HS6ST2: variants seen among roughly 807,000 people sequenced by gnomAD.
The protein encoded by HS6ST2 is heparan sulfate 6-O-sulfotransferase 2.
HS6ST2 carries 17 observed loss-of-function variants against 33.0 expected under a neutral mutation model. The ratio of observed to expected loss-of-function variants is 0.52; its 90% CI spans 0.35 to 0.77. The LOEUF (loss-of-function observed/expected upper bound fraction) is 0.77, where lower values mean the gene tolerates loss of function less well. HS6ST2 is among the 30% of genes least tolerant of loss of function. The probability of loss-of-function intolerance (pLI) is 0.01; values close to 1 mark genes in which losing one functional copy is unlikely to be tolerated. For synonymous variants in HS6ST2, 248 were observed against 237.1 expected, an observed-to-expected ratio of 1.05 and a Z score of -0.42; for missense variants, 519 against 551.7, an observed-to-expected ratio of 0.94 and a Z score of 0.59.
chrX:132,851,040 TTAG>T lies in HS6ST2; in HGVS notation c.947+105765_947+105767del, dbSNP rs1183795919. ...TGAGAGGCATTAATCTATGTAAAGA[TTAG>T]TAGAAGAGCTATAAAATCTGTGTTA... is the stretch of plus-strand genomic sequence containing the variant. On this transcript the variant is annotated intron_variant, in intron 2 of 4. Coordinates refer to ENST00000370833, the MANE Select transcript of HS6ST2 (RefSeq NM_001394073.1). 3.6e-5 allele frequency among the ~76,000 whole-genome samples: 4 copies of T among 112,152 alleles called. No individual in the cohort carries two copies. The East Asian group carries it at 1.1e-3, about 31-fold the overall frequency.
Position 132,628,423 on chromosome X carries a change from T to G in HS6ST2, c.1738A>C (p.Asn580His). Residue 580 changes from asparagine to histidine, a missense_variant, in exon 5 of 5, where the codon AAT becomes CAT. Physicochemically the swap from Asn to His is moderately conservative, Grantham distance 68. Transcript: ENST00000370833. Reference protein sequence around the residue: ...FQSQGQGQSQNPNQNQSQNPN... With the variant: ...FQSQGQGQSQHPNQNQSQNPN... Reference sequence around the variant, plus strand: ...TTCTGACTCTGATTCTGATTCGGATTCTGGCTCTGGCCCTGACCCTGGCTC... The same window carrying G: ...TTCTGACTCTGATTCTGATTCGGATGCTGGCTCTGGCCCTGACCCTGGCTC... 8.3e-7 allele frequency: 1 copy of G among 1,206,686 alleles called. No homozygotes were observed. Among genetic ancestry groups the G allele is most frequent in the Non-Finnish European group, 1.1e-6 (1 of 891,624 alleles).
chrX:132,916,253 T>C (rs2066589238), intron 2 of HS6ST2, among the ~76,000 whole-genome samples: 1 of 111,825 alleles, frequency 8.9e-6, no homozygotes, highest in East Asian at 2.8e-4. Context: ...ACAGAAGAAA[T>C]GGGTTAGATT....
rs528876678 is a variant in HS6ST2, at chrX:132,885,200, A to G, written c.947+71608T>C. Among the ~76,000 whole-genome samples the G allele has an allele frequency of 3.6e-5, 4 of 111,883 alleles. No individual in the cohort carries two copies. In the East Asian group the frequency reaches 1.1e-3, roughly 32 times the overall value. ...ATGAAAAGGAATGAAGCAATGATTCATGCTACAACTTCTGGTATCCAGGAG... is the reference window on the plus strand; with the variant it reads ...ATGAAAAGGAATGAAGCAATGATTCGTGCTACAACTTCTGGTATCCAGGAG... On this transcript the variant is annotated intron_variant, in intron 2 of 4. Coordinates refer to ENST00000370833, the MANE Select transcript of HS6ST2 (RefSeq NM_001394073.1).
intron 2 of HS6ST2, among the ~76,000 whole-genome samples, chrX:132,757,644 T>C (rs931306696): frequency 9.0e-6 from 1 of 110,915 alleles, no homozygotes; most frequent in Non-Finnish European, 1.9e-5. Context: ...ACCCACCACG[T>C]GCAACTTCCC....
chrX:132,751,492 C>T (rs773703302), intron 2 of HS6ST2, among the ~76,000 whole-genome samples: 5 of 112,019 alleles, frequency 4.5e-5, no homozygotes, highest in Admixed American at 1.9e-4. Flanking sequence ...GAGTGCAAAG[C>T]CCAGACAGGG....
chrX:132,843,028 G>T (rs1467098713), intron 2 of HS6ST2, among the ~76,000 whole-genome samples: 1 of 111,691 alleles, frequency 9.0e-6, no homozygotes, highest in Non-Finnish European at 1.9e-5. Context: ...GCCCCGAGTG[G>T]CAGTCTCCCA....
At chrX:132,763,793 G>A (rs1442260879) in intron 2 of HS6ST2, among the ~76,000 whole-genome samples, 1 of 111,970 alleles carries the variant, frequency 8.9e-6, no homozygotes, top group Non-Finnish European at 1.9e-5. Context: ...AGAGAGGTGT[G>A]AAGAGTTGTC....
intron 2 of HS6ST2, among the ~76,000 whole-genome samples, chrX:132,785,182 G>C (rs2065050826): frequency 8.9e-6 from 1 of 112,008 alleles, no homozygotes; most frequent in Non-Finnish European, 1.9e-5. Context: ...CTACATTTGA[G>C]TCTTCTCAAC....
At chrX:132,662,296 T>G (rs904689569) in intron 4 of HS6ST2, among the ~76,000 whole-genome samples, 3 of 109,651 alleles carry the variant, frequency 2.7e-5, no homozygotes, top group African/African-American at 1.0e-4. Context: ...AGAGAGAGAT[T>G]TGCTTTTTAT....
At chrX:132,880,626 C>CT (rs755907518) in intron 2 of HS6ST2, among the ~76,000 whole-genome samples, 19 of 100,490 alleles carry the variant, frequency 1.9e-4, no homozygotes, top group Admixed American at 2.1e-4. Flanking sequence ...CTTTTTTTTT[C>CT]TTTTTTTTTT....
chrX:132,908,886 C>T (rs1466363818), intron 2 of HS6ST2, among the ~76,000 whole-genome samples: 2 of 105,204 alleles, frequency 1.9e-5, no homozygotes, highest in Non-Finnish European at 3.9e-5. Flanking sequence ...GTGAATTACA[C>T]ATCAAAAAAG....
At chrX:132,717,303 A>G (rs2064283893) in intron 2 of HS6ST2, among the ~76,000 whole-genome samples, 1 of 112,920 alleles carries the variant, frequency 8.9e-6, no homozygotes, top group Non-Finnish European at 1.9e-5. Context: ...AAGTGAGCAC[A>G]AGCATAGGAG....
In HS6ST2 at chrX:132,690,482, G is replaced by A. The variant is rs932718678; in HGVS notation, c.980+17980C>T. 4.5e-5 allele frequency among the ~76,000 whole-genome samples: 5 copies of A among 112,101 alleles called. 1 individual carries two copies. The highest frequency in any genetic ancestry group is 9.4e-5 in the Non-Finnish European group (5 of 53,235). ...AGAATGTAGGAATTTTGAAAAAAGA[G>A]TCAACTTTGGTTTGTTCCTCATACA... On this transcript the variant is annotated intron_variant, in intron 3 of 4. Coordinates refer to ENST00000370833, the MANE Select transcript of HS6ST2 (RefSeq NM_001394073.1).
At position 132,669,122 on chromosome X, in the gene HS6ST2, T is replaced by C. The variant is rs767217888; in HGVS notation, c.1058A>G (p.Lys353Arg). The C allele has an allele frequency of 7.8e-5, 93 of 1,199,174 alleles. No individual in the cohort carries two copies. In the South Asian group the frequency reaches 1.5e-3, roughly 20 times the overall value. Residue 353 changes from lysine (K) to arginine (R), a missense_variant, in exon 4 of 5, where the codon AAG (lysine) becomes AGG (arginine). Physicochemically the swap from Lys to Arg is conservative, Grantham distance 26. Transcript: ENST00000370833. ...PSSTKTRNTS[K>R]SGKNFHYITI... ...GCACTTTTTCACTTACTTCCCACTC[T>C]TAGATGTGTTCCGGGTCTTTGTGGA...
intron 2 of HS6ST2, among the ~76,000 whole-genome samples, chrX:132,885,715 G>C (rs1000258885): frequency 3.6e-5 from 4 of 109,634 alleles, no homozygotes; most frequent in African/African-American, 1.4e-4. Flanking sequence ...ACAGAAGATA[G>C]TAGCCTTAAT....
intron 2 of HS6ST2, among the ~76,000 whole-genome samples, chrX:132,714,678 T>C (rs1971833332): frequency 9.0e-6 from 1 of 110,998 alleles, no homozygotes; most frequent in Admixed American, 9.6e-5. Context: ...CTATGAAGGA[T>C]AGCCTGGGTT....
intron 2 of HS6ST2, among the ~76,000 whole-genome samples, chrX:132,907,932 T>C: frequency 9.0e-6 from 1 of 111,662 alleles, no homozygotes; most frequent in Non-Finnish European, 1.9e-5. Flanking sequence ...CTGGAAATCA[T>C]CAAAATTTTA....
intron 4 of HS6ST2, among the ~76,000 whole-genome samples, chrX:132,666,997 C>CAATCA (rs1356121754): frequency 9.0e-6 from 1 of 111,078 alleles, no homozygotes; most frequent in African/African-American, 3.3e-5. Context: ...CAGGAACTGG[C>CAATCA]AATCACAACT....
intron 2 of HS6ST2, among the ~76,000 whole-genome samples, chrX:132,778,457 T>C (rs1270561461): frequency 9.0e-6 from 1 of 111,553 alleles, no homozygotes; most frequent in Non-Finnish European, 1.9e-5. Context: ...TGGAGTGCAG[T>C]GGCATAATCT....
Sources: allele counts gnomAD v4.1 joint callset (sites outside exome capture counted in the v4.1 genomes callset), GRCh38; gene constraint gnomAD v4.1.1; transcripts MANE v1.5; gene names NCBI Gene and HGNC (gene_info 2026-07-23, HGNC 2026-07-21).